Variants in CAMTA1 observed in about 807,000 individuals in gnomAD.
CAMTA1 encodes the protein calmodulin binding transcription activator 1.
CAMTA1 carries 27 observed loss-of-function variants against 170.9 expected under a neutral mutation model. The observed-to-expected ratio is 0.16, with a 90% CI of 0.12 to 0.22. The LOEUF is 0.22. Among genes scored for constraint, CAMTA1 ranks in the 10% least tolerant of loss-of-function variants. The pLI is 1.00. For synonymous variants in CAMTA1, 833 were observed against 891.5 expected, an observed-to-expected ratio of 0.93 and a Z score of 1.17; for missense variants, 1,619 against 2,217.2, an observed-to-expected ratio of 0.73 and a Z score of 5.42.
In CAMTA1 at chr1:7,012,121, T is replaced by C. The variant is rs1022929653; in HGVS notation, c.235-79183T>C. On this transcript the variant is annotated intron_variant, in intron 3 of 22. Coordinates refer to ENST00000303635, the MANE Select transcript of CAMTA1 (RefSeq NM_015215.4). Reference sequence around the variant, plus strand: ...GTGCAGCCGGAGAGACACCTGCGGGTGTGCTGATGTCACGGTTCAAGTTTT... The same window carrying C: ...GTGCAGCCGGAGAGACACCTGCGGGCGTGCTGATGTCACGGTTCAAGTTTT... Among the ~76,000 whole-genome samples the C allele has an allele frequency of 3.9e-5, 6 of 152,288 alleles. No homozygotes were observed. In the South Asian group the frequency reaches 1.2e-3, roughly 32 times the overall value.
chr1:6,876,214 A>G (rs1216701472), intron 3 of CAMTA1, among the ~76,000 whole-genome samples: 1 of 147,134 alleles, frequency 6.8e-6, no homozygotes, highest in Non-Finnish European at 1.5e-5. Flanking sequence ...TCTCCTTCGT[A>G]GTTCCCTCTT....
intron 6 of CAMTA1, among the ~76,000 whole-genome samples, chr1:7,517,855 G>A (rs116503128): frequency 1.4e-4 from 21 of 152,104 alleles, no homozygotes; most frequent in African/African-American, 5.1e-4. Context: ...GTCCCTTAAA[G>A]AGAAGTCCTG....
intron 5 of CAMTA1, among the ~76,000 whole-genome samples, chr1:7,292,077 T>C (rs1673216103): frequency 6.6e-6 from 1 of 152,184 alleles, no homozygotes. Context: ...ACTTTCCACC[T>C]ACACTTTGAA....
chr1:7,240,518 C>CTTTTTT (rs759906051), intron 4 of CAMTA1, among the ~76,000 whole-genome samples: 1 of 125,684 alleles, frequency 8.0e-6, no homozygotes. Flanking sequence ...GTTCCAGAGT[C>CTTTTTT]TTTTTTTTTT....
intron 4 of CAMTA1, among the ~76,000 whole-genome samples, chr1:7,149,043 C>T (rs1477641643): frequency 6.6e-6 from 1 of 151,216 alleles, no homozygotes; most frequent in African/African-American, 2.5e-5. Context: ...GTACGGGGGC[C>T]TGGTGTTTCC....
intron 5 of CAMTA1, among the ~76,000 whole-genome samples, chr1:7,259,143 C>T (rs893136256): frequency 6.6e-6 from 1 of 152,112 alleles, no homozygotes; most frequent in African/African-American, 2.4e-5. Context: ...GTGTGGGTTT[C>T]TGGCTGCTGA....
intron 11 of CAMTA1, among the ~76,000 whole-genome samples, chr1:7,691,990 A>T (rs1462612267): frequency 7.8e-6 from 1 of 128,278 alleles, no homozygotes; most frequent in African/African-American, 2.9e-5. Context: ...GGAGGGAGGG[A>T]GGGAGGGAAG....
chr1:7,489,325 G>A (rs1365099441), intron 6 of CAMTA1, among the ~76,000 whole-genome samples: 1 of 152,222 alleles, frequency 6.6e-6, no homozygotes, highest in African/African-American at 2.4e-5. Flanking sequence ...ACAGCCAAGA[G>A]ATCTTTCGAG....
At position 6,900,790 on chromosome 1, in the gene CAMTA1, A is replaced by G. The variant is rs74051043; in HGVS notation, c.234+75580A>G. 2.7e-3 allele frequency among the ~76,000 whole-genome samples: 404 copies of G among 152,358 alleles called. 2 individuals are homozygous for G. Among genetic ancestry groups the G allele is most frequent in the African/African-American group, 9.4e-3 (389 of 41,588 alleles). ...TGTGAGAGAAATTAAGAGAAGATCT[A>G]TATAAATGGAGGGCTATACCATGTA... On this transcript the variant is annotated intron_variant, in intron 3 of 22. Transcript: ENST00000303635.
intron 11 of CAMTA1, among the ~76,000 whole-genome samples, chr1:7,704,976 G>T (rs1304826834): frequency 1.8e-5 from 2 of 110,580 alleles, no homozygotes; most frequent in Non-Finnish European, 3.9e-5. Flanking sequence ...GCGGGGCGGG[G>T]GCGGGGCCGG....
chr1:7,336,324 G>C (rs763168), intron 5 of CAMTA1, among the ~76,000 whole-genome samples: 71,774 of 152,112 alleles, frequency 0.47, 18,182 homozygotes, highest in African/African-American at 0.65. Flanking sequence ...CATCTCTGCA[G>C]CCCAGAGCTG....
At position 6,887,970 on chromosome 1, in the gene CAMTA1, C is replaced by T. The variant is rs144935824; in HGVS notation, c.234+62760C>T. On this transcript the variant is annotated intron_variant, in intron 3 of 22. Coordinates refer to ENST00000303635, the MANE Select transcript of CAMTA1 (RefSeq NM_015215.4). This position sits in a 1 kb window ranked among gnomAD's most constrained non-coding sequence, Gnocchi z 4.1. ...AGAGCAGGGCTCTGTGCACACGCCT[C>T]CTGGTCCAGAGGCCTCCGTGACCAT... The T allele has an allele frequency of 6.8e-5, 84 of 1,237,180 alleles. No individual in the cohort carries two copies. Among genetic ancestry groups the T allele is most frequent in the Non-Finnish European group, 8.3e-5 (81 of 979,820 alleles). The allele number at this position is 1,237,180 out of a possible 1,614,324, so 76.6% of individuals were successfully genotyped here.
intron 6 of CAMTA1, among the ~76,000 whole-genome samples, chr1:7,551,100 C>A (rs11577487): frequency 0.2 from 30,741 of 152,056 alleles, 3,194 homozygotes; most frequent in African/African-American, 0.24. Context: ...CCTTCACCCT[C>A]ACAGGGAGGG....
At chr1:7,420,163 C>A (rs1438588445) in intron 5 of CAMTA1, among the ~76,000 whole-genome samples, 1 of 152,058 alleles carries the variant, frequency 6.6e-6, no homozygotes, top group Non-Finnish European at 1.5e-5. Context: ...CACGCGTGCC[C>A]CTCCTTTGGC....
intron 9 of CAMTA1, among the ~76,000 whole-genome samples, chr1:7,666,975 G>A (rs111739113): frequency 6.6e-6 from 1 of 152,036 alleles, no homozygotes; most frequent in Non-Finnish European, 1.5e-5. Context: ...TGAAACCTCC[G>A]CCTCCCAGGT....
chr1:7,124,815 A>C (rs1644841708), intron 4 of CAMTA1, among the ~76,000 whole-genome samples: 1 of 152,160 alleles, frequency 6.6e-6, no homozygotes, highest in Non-Finnish European at 1.5e-5. Flanking sequence ...CGCCCTCCCC[A>C]AGTTTTCTGC....
At chr1:7,517,816 A>C (rs1211195965) in intron 6 of CAMTA1, among the ~76,000 whole-genome samples, 4 of 151,930 alleles carry the variant, frequency 2.6e-5, no homozygotes, top group Non-Finnish European at 5.9e-5. Flanking sequence ...ACACCCCTGG[A>C]GGATGTCCAG....
intron 11 of CAMTA1, among the ~76,000 whole-genome samples, chr1:7,684,193 G>C (rs1395502372): frequency 6.6e-6 from 1 of 152,226 alleles, no homozygotes; most frequent in Non-Finnish European, 1.5e-5. Flanking sequence ...ACCCTGTCCT[G>C]GCCGTTGGGG....
chr1:7,282,999 A>G lies in CAMTA1; in HGVS notation c.438+33373A>G, dbSNP rs72863551. The stretch of plus-strand genomic sequence containing the variant: ...GATGCTCATTACAGCAGTATTGATA[A>G]TAGTGGGAATTTGGAACAACCTAAC... On this transcript the variant is annotated intron_variant, in intron 5 of 22. Transcript: ENST00000303635. Among the ~76,000 whole-genome samples, 1,170 of 152,324 alleles carry G rather than the reference A, an allele frequency of 7.7e-3. 13 individuals are homozygous for G. The highest frequency in any genetic ancestry group is 0.027 in the African/African-American group (1,132 of 41,562).
Sources: allele counts gnomAD v4.1 joint callset (sites outside exome capture counted in the v4.1 genomes callset), GRCh38; gene constraint gnomAD v4.1.1; non-coding constraint Gnocchi (gnomAD v3.1); transcripts MANE v1.5; gene names NCBI Gene and HGNC (gene_info 2026-07-23, HGNC 2026-07-21).